Variants in EXOC6B observed in about 807,000 individuals in gnomAD.
EXOC6B encodes exocyst complex component 6B.
Under a neutral mutation model 113.5 loss-of-function variants are expected in EXOC6B, and 54 were observed. The ratio of observed to expected loss-of-function variants is 0.48; its 90% CI spans 0.38 to 0.60. The LOEUF (loss-of-function observed/expected upper bound fraction) is 0.60. Ranked by LOEUF, EXOC6B falls within the 20% of genes least tolerant of loss-of-function variation. The pLI is 0.00. For synonymous variants in EXOC6B, 357 were observed against 339.0 expected (o/e 1.05, Z -0.58); for missense variants, 797 against 977.5 (o/e 0.82, Z 2.46).
At chr2:72,699,881 C>T (rs1042464503) in intron 6 of EXOC6B, among the ~76,000 whole-genome samples, 1 of 152,104 alleles carries the variant, frequency 6.6e-6, no homozygotes, top group African/African-American at 2.4e-5. Flanking sequence ...AAAAATATGG[C>T]TTTCTATATA....
intron 20 of EXOC6B, among the ~76,000 whole-genome samples, chr2:72,204,765 T>TC (rs1403308465): frequency 1.3e-5 from 2 of 152,128 alleles, no homozygotes; most frequent in Non-Finnish European, 2.9e-5. Flanking sequence ...CTTGCTTTCC[T>TC]CTTCTTCTTT....
chr2:72,570,341 T>A lies in EXOC6B; in HGVS notation c.846+5151A>T, dbSNP rs1704442689. On this transcript the variant is annotated intron_variant, in intron 7 of 21. Coordinates refer to ENST00000272427, the MANE Select transcript of EXOC6B (RefSeq NM_015189.3). Reference sequence around the variant, plus strand: ...AACAGATTTTTGTTTAAATCACCCATTCTCCAGCATTTTGTTATGGTAGCC... The same window carrying A: ...AACAGATTTTTGTTTAAATCACCCAATCTCCAGCATTTTGTTATGGTAGCC... 3.3e-5 allele frequency among the ~76,000 whole-genome samples: 5 copies of A among 152,320 alleles called. No homozygotes were observed. The South Asian group carries it at 1.0e-3, about 32-fold the overall frequency.
chr2:72,465,513 G>A (rs1697991519), intron 17 of EXOC6B, among the ~76,000 whole-genome samples, 174 bp from the exon 18 acceptor site: 1 of 152,016 alleles, frequency 6.6e-6, no homozygotes, highest in South Asian at 2.1e-4. Context: ...CCATTGTGTA[G>A]GTTTTTTCTA....
At chr2:72,326,147 C>T (rs890010234) in intron 20 of EXOC6B, among the ~76,000 whole-genome samples, 10 of 152,032 alleles carry the variant, frequency 6.6e-5, no homozygotes, top group Non-Finnish European at 1.5e-4. Flanking sequence ...AGATGAGATT[C>T]GTGTTCAAAA....
chr2:72,817,183 C>T (rs1686297456), intron 1 of EXOC6B, among the ~76,000 whole-genome samples: 1 of 152,140 alleles, frequency 6.6e-6, no homozygotes, highest in Admixed American at 6.6e-5. Flanking sequence ...GATCATAATG[C>T]TTTCATCATT....
intron 18 of EXOC6B, among the ~76,000 whole-genome samples, chr2:72,460,540 G>A (rs1452498677): frequency 6.6e-6 from 1 of 152,120 alleles, no homozygotes; most frequent in African/African-American, 2.4e-5. Context: ...ATCAAAAAGT[G>A]GGTGAAAGAC....
chr2:72,635,432 C>G (rs1172027598), intron 6 of EXOC6B, among the ~76,000 whole-genome samples: 1 of 152,130 alleles, frequency 6.6e-6, no homozygotes, highest in East Asian at 1.9e-4. Flanking sequence ...GTAGAAAAGA[C>G]TCTACACATA....
chr2:72,759,873 T>C (rs1553479606), intron 1 of EXOC6B, among the ~76,000 whole-genome samples: 4 of 152,192 alleles, frequency 2.6e-5, no homozygotes, highest in Non-Finnish European at 5.9e-5. Context: ...GTGTCCAACT[T>C]GGAGAGAATT....
intron 20 of EXOC6B, among the ~76,000 whole-genome samples, chr2:72,275,617 T>G (rs2104647157): frequency 6.6e-6 from 1 of 152,224 alleles, no homozygotes; most frequent in South Asian, 2.1e-4. Flanking sequence ...TCCTCAACCC[T>G]CTTACAATCA....
chr2:72,499,687 C>T (rs1313714000), intron 12 of EXOC6B, among the ~76,000 whole-genome samples: 1 of 151,984 alleles, frequency 6.6e-6, no homozygotes, highest in Non-Finnish European at 1.5e-5. Context: ...GGTACTGCTA[C>T]TGGTGATTTT....
chr2:72,620,173 C>T (rs958480141), intron 6 of EXOC6B, among the ~76,000 whole-genome samples: 3 of 152,216 alleles, frequency 2.0e-5, no homozygotes, highest in African/African-American at 4.8e-5. Flanking sequence ...GCCTCTGCAG[C>T]CCAGGCTGAG....
At chr2:72,591,903 T>C (rs1705991037) in intron 6 of EXOC6B, among the ~76,000 whole-genome samples, 1 of 152,042 alleles carries the variant, frequency 6.6e-6, no homozygotes, top group Admixed American at 6.6e-5. Context: ...GAATAAGAAA[T>C]TTATACAACA....
chr2:72,364,632 G>A (rs963907740), intron 19 of EXOC6B, among the ~76,000 whole-genome samples: 4 of 152,038 alleles, frequency 2.6e-5, no homozygotes, highest in African/African-American at 4.8e-5. Context: ...ATTCTCCTAC[G>A]GTTCTCTCAA....
intron 8 of EXOC6B, among the ~76,000 whole-genome samples, chr2:72,553,939 T>C (rs1332084129): frequency 2.0e-5 from 3 of 152,074 alleles, no homozygotes; most frequent in Non-Finnish European, 4.4e-5. Context: ...AAATATCAAA[T>C]TTATGGTAAA....
chr2:72,352,355 T>C (rs1244569040), intron 19 of EXOC6B, among the ~76,000 whole-genome samples: 1 of 152,194 alleles, frequency 6.6e-6, no homozygotes, highest in African/African-American at 2.4e-5. Context: ...TTAAAAAGCC[T>C]ATACATTGAC....
intron 18 of EXOC6B, among the ~76,000 whole-genome samples, chr2:72,408,531 G>A (rs1225523708): frequency 3.9e-5 from 6 of 152,070 alleles, no homozygotes; most frequent in Non-Finnish European, 7.4e-5. Flanking sequence ...TAGACCAATG[G>A]AACAGAATAG....
chr2:72,514,703 A>C (rs1467919500), intron 9 of EXOC6B, 23 bp from the exon 10 acceptor site: 3 of 1,464,954 alleles, frequency 2.0e-6, no homozygotes, highest in East Asian at 2.6e-5. Flanking sequence ...AAAGAAGAAA[A>C]AGTTATTGTT....
chr2:72,304,805 T>C (rs1366440527), intron 20 of EXOC6B, among the ~76,000 whole-genome samples: 1 of 152,214 alleles, frequency 6.6e-6, no homozygotes, highest in East Asian at 1.9e-4. Context: ...TTTAGGAACC[T>C]GACAGCTTTG....
At chr2:72,218,167 T>C (rs920426910) in intron 20 of EXOC6B, among the ~76,000 whole-genome samples, 1 of 152,200 alleles carries the variant, frequency 6.6e-6, no homozygotes, top group African/African-American at 2.4e-5. Context: ...ACTTGCCTTT[T>C]GTCAACTATA....
Sources: allele counts gnomAD v4.1 joint callset (sites outside exome capture counted in the v4.1 genomes callset), GRCh38; gene constraint gnomAD v4.1.1; transcripts MANE v1.5; gene names NCBI Gene and HGNC (gene_info 2026-07-23, HGNC 2026-07-21).